Variants in STMN2 observed in about 807,000 individuals in gnomAD.
STMN2 encodes the protein stathmin 2, also known as stathmin-2.
STMN2 carries 2 observed loss-of-function variants against 24.1 expected under a neutral mutation model. The observed-to-expected ratio is 0.08, with a 90% CI of 0.03 to 0.26. The LOEUF (loss-of-function observed/expected upper bound fraction) is 0.26. STMN2 is among the 10% of genes least tolerant of loss of function. The pLI, the probability that STMN2 is intolerant of heterozygous loss-of-function variation, is 1.00. For synonymous variants in STMN2, 83 were observed against 77.5 expected (o/e 1.07, Z -0.37); for missense variants, 114 against 213.6 (o/e 0.53, Z 2.91).
In STMN2 at chr8:79,639,100, G is replaced by A. The variant is rs191024262; in HGVS notation, c.115+2203G>A. ...ATCTGAGGTCAAGGCCTGCCAGCCT[G>A]GCATTTTACTTGACCACAACCTCCA... On this transcript the variant is annotated intron_variant, in intron 2 of 4. Transcript: ENST00000220876. 9.3e-4 allele frequency among the ~76,000 whole-genome samples: 142 copies of A among 152,268 alleles called. 1 individual carries two copies. Among genetic ancestry groups the A allele is most frequent in the Non-Finnish European group, 1.1e-3 (76 of 68,034 alleles).
At chr8:79,657,765 G>T (rs1221881007) in intron 4 of STMN2, among the ~76,000 whole-genome samples, 1 of 152,154 alleles carries the variant, frequency 6.6e-6, no homozygotes, top group African/African-American at 2.4e-5. Flanking sequence ...TATCACATAG[G>T]TGGATTTAAT....
intron 1 of STMN2, among the ~76,000 whole-genome samples, chr8:79,616,220 AATC>A (rs565370834): frequency 2.0e-5 from 3 of 152,214 alleles, no homozygotes; most frequent in Non-Finnish European, 4.4e-5. Flanking sequence ...TTTTAAATCT[AATC>A]CAATGTGATT....
chr8:79,621,393 C>T (rs146737892), intron 1 of STMN2, among the ~76,000 whole-genome samples: 70 of 152,256 alleles, frequency 4.6e-4, no homozygotes, highest in African/African-American at 1.6e-3. Flanking sequence ...GAACAAGGAG[C>T]GCAATCAAAA....
intron 1 of STMN2, among the ~76,000 whole-genome samples, chr8:79,618,301 G>A (rs760640205): frequency 2.0e-5 from 3 of 152,182 alleles, no homozygotes; most frequent in Non-Finnish European, 2.9e-5. Flanking sequence ...GGGTTGTAAC[G>A]TATGAGACAC....
chr8:79,641,624 GCACGCACACACACA>G (rs1585896692), intron 3 of STMN2, 74 bp downstream of exon 3: 12 of 476,284 alleles, frequency 2.5e-5, no homozygotes, highest in Non-Finnish European at 2.4e-5. Flanking sequence ...GGGCACACAT[GCACGCACACACACA>G]CACACACACA....
rs1203991363 is a variant in STMN2 at position 79,654,969 on chromosome 8, G to A, written c.387G>A (p.Lys129=). The change falls in exon 4 of 5, where the codon AAG becomes AAA. Residue 129 remains lysine, a synonymous_variant. Coordinates refer to ENST00000220876, the MANE Select transcript of STMN2 (RefSeq NM_007029.4). The part of the protein sequence containing the change: ...KALEENNNFS[K]MAEEKLILKM... Reference sequence around the variant, plus strand: ...TGGAGGAGAACAACAACTTCAGCAAGATGGCGGAGGAAAAGCTGATCCTGA... The same window carrying A: ...TGGAGGAGAACAACAACTTCAGCAAAATGGCGGAGGAAAAGCTGATCCTGA... The A allele has an allele frequency of 1.9e-6, 3 of 1,614,038 alleles. No individual in the cohort carries two copies. Among genetic ancestry groups the A allele is most frequent in the Admixed American group, 3.3e-5 (2 of 60,008 alleles).
intron 1 of STMN2, among the ~76,000 whole-genome samples, chr8:79,623,789 A>T (rs930299294): frequency 6.6e-6 from 1 of 152,210 alleles, no homozygotes; most frequent in Non-Finnish European, 1.5e-5. Flanking sequence ...ATTTAAAAAA[A>T]AAAATAAACT....
intron 1 of STMN2, among the ~76,000 whole-genome samples, chr8:79,623,970 A>G (rs1407748721): frequency 6.6e-6 from 1 of 152,198 alleles, no homozygotes; most frequent in Non-Finnish European, 1.5e-5. Context: ...AGGTAAATGA[A>G]ATTCAGTATT....
At chr8:79,628,378 T>A (rs1279779930) in intron 1 of STMN2, among the ~76,000 whole-genome samples, 1 of 152,048 alleles carries the variant, frequency 6.6e-6, no homozygotes, top group Non-Finnish European at 1.5e-5. Context: ...CTCGAACTCC[T>A]GTCTTCAAGT....
chr8:79,663,668 A>G (rs1421123894), intron 4 of STMN2: 2 of 1,512,904 alleles, frequency 1.3e-6, no homozygotes, highest in Non-Finnish European at 1.8e-6. Flanking sequence ...CAATGTAAGC[A>G]ACATTCTACA....
intron 3 of STMN2, among the ~76,000 whole-genome samples, chr8:79,642,850 C>G (rs1466955719): frequency 6.7e-6 from 1 of 149,930 alleles, no homozygotes; most frequent in Non-Finnish European, 1.5e-5. Flanking sequence ...GAGTGATGTT[C>G]TCCAAATGTC....
chr8:79,613,729 A>T, intron 1 of STMN2: 1 of 985,308 alleles, frequency 1.0e-6, no homozygotes, highest in Non-Finnish European at 1.2e-6. Flanking sequence ...GCTTCCTCCT[A>T]ATTGCCCTCA....
At chr8:79,638,464 C>T (rs1404169403) in intron 2 of STMN2, among the ~76,000 whole-genome samples, 1 of 152,138 alleles carries the variant, frequency 6.6e-6, no homozygotes, top group Non-Finnish European at 1.5e-5. Flanking sequence ...CAACATTTCT[C>T]GTAAACTGTG....
chr8:79,611,166 G>C lies in STMN2; in HGVS notation c.-30G>C, dbSNP rs1194416265. 1 of 1,613,790 alleles carries C rather than the reference G, an allele frequency of 6.2e-7. No homozygotes were observed. Among genetic ancestry groups the C allele is most frequent in the Admixed American group, 1.7e-5 (1 of 60,004 alleles). ...TGCTGTAGCCGGACCCTTTGCCTTCGCCACTGCTCAGCGTCTGCACATCCC... is the reference window on the plus strand; with the variant it reads ...TGCTGTAGCCGGACCCTTTGCCTTCCCCACTGCTCAGCGTCTGCACATCCC... On this transcript the variant is annotated 5_prime_UTR_variant, in exon 1 of 5. Transcript: ENST00000220876.
chr8:79,641,624 GCACGCACACACACACACACA>G (rs1563442416), intron 3 of STMN2, 74 bp downstream of exon 3: 1 of 473,078 alleles, frequency 2.1e-6, no homozygotes. Flanking sequence ...GGGCACACAT[GCACGCACACACACACACACA>G]CACACACACA....
At chr8:79,651,239 C>G (rs557062455) in intron 3 of STMN2, among the ~76,000 whole-genome samples, 42 of 152,196 alleles carry the variant, frequency 2.8e-4, no homozygotes, top group Non-Finnish European at 7.3e-5. Context: ...AGCAGACTCA[C>G]GTGACCACAC....
At chr8:79,647,355 G>A (rs751940524) in intron 3 of STMN2, among the ~76,000 whole-genome samples, 10 of 152,084 alleles carry the variant, frequency 6.6e-5, no homozygotes, top group Non-Finnish European at 1.2e-4. Flanking sequence ...ATTTCTGTTA[G>A]GGCTTTTTAA....
At chr8:79,615,645 T>C (rs950943587) in intron 1 of STMN2, among the ~76,000 whole-genome samples, 1 of 152,218 alleles carries the variant, frequency 6.6e-6, no homozygotes, top group Non-Finnish European at 1.5e-5. Flanking sequence ...AAGCAGATGA[T>C]TGATGTAAAC....
chr8:79,655,087 G>C (rs1185079886), intron 4 of STMN2, 25 bp downstream of exon 4: 1 of 1,610,130 alleles, frequency 6.2e-7, no homozygotes, highest in African/African-American at 1.3e-5. Context: ...GTCCTGAGCA[G>C]ATGGATATAT....
Sources: gnomAD v4.1 joint callset for allele counts (sites outside exome capture counted in the v4.1 genomes callset) on GRCh38, gnomAD v4.1.1 for gene constraint, MANE v1.5 for transcripts, NCBI Gene and HGNC (gene_info 2026-07-23, HGNC 2026-07-21) for gene names.